The following MAPK10 variants were observed in gnomAD, a reference collection of about 807,000 sequenced individuals.
MAPK10 encodes the protein mitogen-activated protein kinase 10.
A neutral mutation model predicts 59.3 loss-of-function variants in MAPK10; 25 were observed. The observed-to-expected ratio is 0.42, with a 90% CI of 0.31 to 0.59. MAPK10 has a LOEUF of 0.59. MAPK10 is among the 20% of genes least tolerant of loss of function. The pLI, the probability that MAPK10 is intolerant of heterozygous loss-of-function variation, is 0.15. For synonymous variants in MAPK10, 190 were observed against 200.5 expected, an observed-to-expected ratio of 0.95 and a Z score of 0.44; for missense variants, 351 against 568.9, an observed-to-expected ratio of 0.62 and a Z score of 3.90.
intron 2 of MAPK10, among the ~76,000 whole-genome samples, chr4:86,349,508 G>C (rs1019108723): frequency 1.1e-4 from 17 of 152,234 alleles, no homozygotes; most frequent in African/African-American, 3.9e-4. Context: ...CCTGGCTAAG[G>C]TGGGAGGCAA....
intron 2 of MAPK10, among the ~76,000 whole-genome samples, chr4:86,212,629 A>G (rs995015680): frequency 5.3e-5 from 8 of 152,240 alleles, no homozygotes; most frequent in Non-Finnish European, 7.4e-5. Flanking sequence ...AGTTTACAAG[A>G]GACAAACAGG....
intron 1 of MAPK10, among the ~76,000 whole-genome samples, chr4:86,397,864 CAAAAAA>C (rs759585442): frequency 3.9e-5 from 2 of 51,768 alleles, no homozygotes; most frequent in African/African-American, 1.2e-4. Context: ...TCTGCTATGG[CAAAAAA>C]AAAAAAAAAA....
intron 1 of MAPK10, among the ~76,000 whole-genome samples, chr4:86,557,313 A>G (rs1369932295): frequency 6.6e-6 from 1 of 152,100 alleles, no homozygotes; most frequent in Non-Finnish European, 1.5e-5. Flanking sequence ...CTCCCAAGTT[A>G]TGTTATTATA....
chr4:86,251,327 C>T (rs2148712902), intron 2 of MAPK10, among the ~76,000 whole-genome samples: 1 of 151,976 alleles, frequency 6.6e-6, no homozygotes, highest in African/African-American at 2.4e-5. Context: ...CCTCCCCCCT[C>T]CTCCCTCCCC....
intron 1 of MAPK10, among the ~76,000 whole-genome samples, chr4:86,589,309 T>A (rs1565085510): frequency 6.6e-6 from 1 of 152,218 alleles, no homozygotes; most frequent in Non-Finnish European, 1.5e-5. Context: ...CACAGTATGC[T>A]ATCAAACTTT....
At chr4:86,207,723 T>A (rs1221316469) in intron 2 of MAPK10, among the ~76,000 whole-genome samples, 1 of 152,140 alleles carries the variant, frequency 6.6e-6, no homozygotes, top group Non-Finnish European at 1.5e-5. Flanking sequence ...TTTATTTCAT[T>A]GAGCAGTGGT....
At chr4:86,249,007 G>C (rs2093273652) in intron 2 of MAPK10, among the ~76,000 whole-genome samples, 1 of 152,114 alleles carries the variant, frequency 6.6e-6, no homozygotes, top group African/African-American at 2.4e-5. Context: ...GGAAAATATA[G>C]AACTAATCTA....
Position 86,015,094 on chromosome 4 carries a change from T to C in MAPK10, c.*2134A>G, listed in dbSNP as rs1229229096. 1.3e-5 allele frequency: 2 copies of C among 150,118 alleles called. No homozygotes were observed. The highest frequency in any genetic ancestry group is 4.9e-5 in the African/African-American group (2 of 40,652). 9.3% of individuals were successfully genotyped at this position (150,118 alleles called of 1,614,324 possible). On this transcript the variant is annotated 3_prime_UTR_variant, in exon 14 of 14. Coordinates refer to ENST00000641462, the MANE Select transcript of MAPK10 (RefSeq NM_138982.4). The stretch of plus-strand genomic sequence containing the variant: ...TTTTTAACAATCAGGTTATCTGCAA[T>C]ATTAACCAGAAAAAAAATGGTAGCA...
intron 1 of MAPK10, among the ~76,000 whole-genome samples, chr4:86,406,221 A>T (rs1426985338): frequency 4.6e-5 from 7 of 152,162 alleles, no homozygotes; most frequent in Admixed American, 4.6e-4. Context: ...TGCTAATCAA[A>T]TATGGCCCCT....
intron 1 of MAPK10, among the ~76,000 whole-genome samples, chr4:86,482,267 A>G (rs1753666088): frequency 6.6e-6 from 1 of 152,138 alleles, no homozygotes; most frequent in South Asian, 2.1e-4. Flanking sequence ...CCTGCACCTA[A>G]TAGAGCAGTA....
At chr4:86,325,092 A>T (rs894660092) in intron 2 of MAPK10, among the ~76,000 whole-genome samples, 1 of 152,184 alleles carries the variant, frequency 6.6e-6, no homozygotes, top group African/African-American at 2.4e-5. Flanking sequence ...AATTTAATTA[A>T]ATCTTCTTCT....
intron 1 of MAPK10, among the ~76,000 whole-genome samples, chr4:86,497,749 A>C (rs1405564935): frequency 1.3e-5 from 2 of 152,194 alleles, no homozygotes; most frequent in Non-Finnish European, 2.9e-5. Context: ...GAGTGTACCA[A>C]GCAAGCATCA....
intron 1 of MAPK10, among the ~76,000 whole-genome samples, chr4:86,382,865 C>T (rs1034366412): frequency 2.6e-5 from 4 of 152,132 alleles, no homozygotes; most frequent in Non-Finnish European, 5.9e-5. Context: ...AGCAGGGATC[C>T]AGAGACAAAT....
chr4:86,354,532 C>T lies in MAPK10; in HGVS notation c.-9G>A. The T allele has an allele frequency of 1.6e-6, 2 of 1,219,366 alleles. No individual in the cohort carries two copies. Among genetic ancestry groups the T allele is most frequent in the Non-Finnish European group, 2.0e-6 (2 of 976,450 alleles). 75.5% of individuals were successfully genotyped at this position (1,219,366 alleles called of 1,614,324 possible). ...ATATTTTTAAATTGGCAACTCACCA[C>T]AGCTTGTATGGTTTCTCATCTATAG... On this transcript the variant is annotated splice_region_variant and 5_prime_UTR_variant, in exon 2 of 14. The change creates a new upstream start codon in the 5' untranslated region. Transcript: ENST00000641462.
At chr4:86,429,243 G>A (rs1035203947) in intron 1 of MAPK10, among the ~76,000 whole-genome samples, 9 of 151,968 alleles carry the variant, frequency 5.9e-5, no homozygotes, top group East Asian at 3.9e-4. Flanking sequence ...CGGAGATTTC[G>A]AAGCCTTAAT....
intron 2 of MAPK10, among the ~76,000 whole-genome samples, chr4:86,343,069 C>G (rs1725990983): frequency 6.6e-6 from 1 of 152,130 alleles, no homozygotes; most frequent in African/African-American, 2.4e-5. Context: ...GCCACGCAAG[C>G]CTAAACTTCT....
At chr4:86,537,449 A>G (rs997904961) in intron 1 of MAPK10, among the ~76,000 whole-genome samples, 1 of 152,244 alleles carries the variant, frequency 6.6e-6, no homozygotes, top group Non-Finnish European at 1.5e-5. Flanking sequence ...CCCAGCATGC[A>G]AATCATGGTT....
At chr4:86,521,338 G>A (rs1006029288) in intron 1 of MAPK10, among the ~76,000 whole-genome samples, 9 of 152,168 alleles carry the variant, frequency 5.9e-5, no homozygotes, top group Admixed American at 2.0e-4. Context: ...CAGGCAATGG[G>A]TAGGGCCATA....
intron 2 of MAPK10, among the ~76,000 whole-genome samples, chr4:86,284,189 A>T (rs2094919086): frequency 6.6e-6 from 1 of 152,234 alleles, no homozygotes; most frequent in Non-Finnish European, 1.5e-5. Flanking sequence ...TATATGAGGA[A>T]CATGCTATTA....
Sources: allele counts gnomAD v4.1 joint callset (sites outside exome capture counted in the v4.1 genomes callset), GRCh38; gene constraint gnomAD v4.1.1; transcripts MANE v1.5; gene names NCBI Gene and HGNC (gene_info 2026-07-23, HGNC 2026-07-21).